The following SYVN1 variants were observed in gnomAD, a reference collection of about 807,000 sequenced individuals.
The protein encoded by SYVN1 is synoviolin 1.
SYVN1 carries 17 observed loss-of-function variants against 62.6 expected under a neutral mutation model. The observed-to-expected ratio is 0.27, with a 90% CI of 0.19 to 0.41. The LOEUF (loss-of-function observed/expected upper bound fraction) is 0.41, where lower values mean the gene tolerates loss of function less well. Among genes scored for constraint, SYVN1 ranks in the 10% least tolerant of loss-of-function variants. The probability of loss-of-function intolerance (pLI) is 1.00; values close to 1 mark genes in which losing one functional copy is unlikely to be tolerated. For missense variants in SYVN1, 634 were observed against 818.0 expected, an observed-to-expected ratio of 0.78 and a Z score of 2.74; for synonymous variants, 316 against 304.0, an observed-to-expected ratio of 1.04 and a Z score of -0.41.
At chr11:65,128,864 T>C (rs1948138447) in intron 14 of SYVN1, 150 bp from the exon 15 acceptor site, 5 of 811,614 alleles carry the variant, frequency 6.2e-6, no homozygotes, top group Non-Finnish European at 9.5e-6. Context: ...ACATGCTGAA[T>C]GAACTCAGAC....
chr11:65,129,856 G>C lies in SYVN1; in HGVS notation c.1468C>G (p.Arg490Gly). The part of the protein sequence containing the change: ...GFAGLTPEEL[R>G]ALEGHERQHL... ...TGCCGCTCATGGCCCTCCAGAGCTC[G>C]TAGCTCCTCTGGGGTCAGCCCAGCA... Residue 490 changes from arginine (R) to glycine (G), a missense_variant, in exon 14 of 16, where the codon CGA becomes GGA. Transcript: ENST00000377190. 1.2e-6 allele frequency: 2 copies of C among 1,614,118 alleles called. No individual in the cohort carries two copies. The highest frequency in any genetic ancestry group is 8.5e-7 in the Non-Finnish European group (1 of 1,180,030).
Position 65,130,301 on chromosome 11 carries a change from G to T in SYVN1, c.1184C>A (p.Pro395Gln). 1 of 1,593,044 alleles carries T rather than the reference G, an allele frequency of 6.3e-7. No homozygotes were observed. Among genetic ancestry groups the T allele is most frequent in the East Asian group, 2.3e-5 (1 of 44,322 alleles). The change falls in exon 12 of 16, where the codon CCG (proline) becomes CAG (glutamine). Residue 395 changes from proline (P) to glutamine (Q), a missense_variant. Coordinates refer to ENST00000377190, the MANE Select transcript of SYVN1 (RefSeq NM_172230.3). The stretch of plus-strand genomic sequence containing the variant: ...AGCCTCTCCTGAGCTGGGGGGAGGC[G>T]GGACAGGTGGAAAGGGGCCCATGGG... ...WPPMGPFPPV[P>Q]PPPSSGEAVA... is the part of the protein sequence containing the mutation.
chr11:65,130,847 G>A, intron 10 of SYVN1, 24 bp from the exon 11 acceptor site: 1 of 1,597,576 alleles, frequency 6.3e-7, no homozygotes, highest in Non-Finnish European at 8.5e-7. Context: ...CCAGGCAGAG[G>A]TCAGCAGGTC....
chr11:65,133,274 G>A (rs766957275), intron 2 of SYVN1, 22 bp from the exon 3 acceptor site: 11 of 1,612,538 alleles, frequency 6.8e-6, no homozygotes, highest in Non-Finnish European at 5.1e-6. Context: ...GAGAGGCTGT[G>A]GTTTGAGGTC....
At chr11:65,133,778 T>C (rs948624523) in intron 1 of SYVN1, among the ~76,000 whole-genome samples, 160 bp from the exon 2 acceptor site, 1 of 152,238 alleles carries the variant, frequency 6.6e-6, no homozygotes, top group Non-Finnish European at 1.5e-5. Flanking sequence ...ATTTTACAAA[T>C]TAGACTCGAA....
intron 1 of SYVN1, among the ~76,000 whole-genome samples, 179 bp from the exon 2 acceptor site, chr11:65,133,797 G>A (rs909547269): frequency 6.6e-6 from 1 of 152,262 alleles, no homozygotes; most frequent in African/African-American, 2.4e-5. Flanking sequence ...AAGGGGTTAA[G>A]TGATCACACT....
Position 65,132,326 on chromosome 11 carries a change from C to T in SYVN1, c.453G>A (p.Leu151=). 6.2e-7 allele frequency: 1 copy of T among 1,614,004 alleles called. No individual in the cohort carries two copies. Among genetic ancestry groups the T allele is most frequent in the Non-Finnish European group, 8.5e-7 (1 of 1,179,938 alleles). The change falls in exon 6 of 16, where the codon CTG becomes CTA. Residue 151 remains leucine, a synonymous_variant. Coordinates refer to ENST00000377190, the MANE Select transcript of SYVN1 (RefSeq NM_172230.3). ...IVSLMFLLGI[L]DFLFVSHAYH... ...AGGCGTGGCTGACGAAGAGGAAGTC[C>T]AGGATGCCCAGGAGGAACATAAGAG...
intron 11 of SYVN1, 101 bp from the exon 12 acceptor site, chr11:65,130,480 G>T (rs1010041299): frequency 7.0e-7 from 1 of 1,422,378 alleles, no homozygotes; most frequent in Non-Finnish European, 9.3e-7. Flanking sequence ...ATTCCCACAG[G>T]CCCTCAGCCC....
chr11:65,129,585 A>G (rs1251263187), intron 14 of SYVN1, 144 bp downstream of exon 14: 4 of 693,950 alleles, frequency 5.8e-6, no homozygotes, highest in Non-Finnish European at 9.7e-6. Context: ...GGAGTTACCA[A>G]GAACTCCTGG....
rs768088683 is a variant in SYVN1 at position 65,128,393 on chromosome 11, C to T, written c.1843G>A (p.Val615Ile). The change falls in exon 16 of 16, where the codon GTT becomes ATT. Residue 615 changes from valine (V) to isoleucine (I), a missense_variant. Val to Ile is a conservative substitution (Grantham distance 29, BLOSUM62 3). This residue lies in a region of SYVN1 where 351 missense variants were observed against 373.3 expected (regional missense o/e 0.94). Transcript: ENST00000377190. ...GGGCTGGGGCAGTGTCAGTGGGCAACAGGAGACTCCAGCTTCTGCAGGCGG... is the reference window on the plus strand; with the variant it reads ...GGGCTGGGGCAGTGTCAGTGGGCAATAGGAGACTCCAGCTTCTGCAGGCGG... Reference protein sequence around the residue: ...RRRLQKLESPVAH With the variant: ...RRRLQKLESPIAH 3 of 1,612,948 alleles carry T rather than the reference C, an allele frequency of 1.9e-6. No individual in the cohort carries two copies. Among genetic ancestry groups the T allele is most frequent in the South Asian group, 2.2e-5 (2 of 91,008 alleles).
In SYVN1 at chr11:65,128,241, C is replaced by T. The variant is rs1305576176; in HGVS notation, c.*141G>A. 4.3e-6 allele frequency: 3 copies of T among 705,722 alleles called. No homozygotes were observed. Among genetic ancestry groups the T allele is most frequent in the Non-Finnish European group, 7.2e-6 (3 of 416,980 alleles). The allele number at this position is 705,722 out of a possible 1,614,324, so 43.7% of individuals were successfully genotyped here. A position where few individuals can be genotyped will look rare whatever the true frequency, so the allele number is the denominator to read the frequency against. On this transcript the variant is annotated 3_prime_UTR_variant, in exon 16 of 16. Transcript: ENST00000377190. The stretch of plus-strand genomic sequence containing the variant: ...GGAACCCCAGCCTCTTTCCACTTGG[C>T]CTAGGGGATGCCGCCTCTTTCTCAG...
In SYVN1 at chr11:65,131,381, G is replaced by C. The variant is rs373722273; in HGVS notation, c.659-8C>G. On this transcript the variant is annotated splice_region_variant and splice_polypyrimidine_tract_variant and intron_variant, in intron 7 of 15. Transcript: ENST00000377190. Reference sequence around the variant, plus strand: ...GCAGAACCTTGATGAAGCCTGAGGGGAGGGGATGCAGAAAGCAGCAGGTCA... The same window carrying C: ...GCAGAACCTTGATGAAGCCTGAGGGCAGGGGATGCAGAAAGCAGCAGGTCA... 3.7e-6 allele frequency: 6 copies of C among 1,613,880 alleles called. No individual in the cohort carries two copies. Among genetic ancestry groups the C allele is most frequent in the Admixed American group, 1.7e-5 (1 of 59,996 alleles).
Position 65,131,322 on chromosome 11 carries a change from A to G in SYVN1, c.710T>C (p.Val237Ala). Residue 237 changes from valine to alanine, a missense_variant, in exon 8 of 16, where the codon GTG becomes GCG. Around this residue, in one of 2 missense-constraint regions of SYVN1, gnomAD observed 283 missense variants for 444.7 expected, o/e 0.64. Transcript: ENST00000377190. ...GATGGCAAAGAGTGGGAAGGTGTGCACCTTGATCATGATGGTCATGAAGGC... is the reference window on the plus strand; with the variant it reads ...GATGGCAAAGAGTGGGAAGGTGTGCGCCTTGATCATGATGGTCATGAAGGC... The part of the protein sequence containing the change: ...YMAFMTIMIK[V>A]HTFPLFAIRP... The G allele has an allele frequency of 1.2e-6, 2 of 1,614,048 alleles. No individual in the cohort carries two copies. Among genetic ancestry groups the G allele is most frequent in the Non-Finnish European group, 1.7e-6 (2 of 1,179,984 alleles).
In SYVN1 at chr11:65,130,144, T is replaced by G. The variant is rs765629415; in HGVS notation, c.1266A>C (p.Thr422=). 6.2e-7 allele frequency: 1 copy of G among 1,609,146 alleles called. No individual in the cohort carries two copies. The highest frequency in any genetic ancestry group is 8.5e-7 in the Non-Finnish European group (1 of 1,176,996). ...TAGCACTGGTGCCAGCAGCTGTGGT[T>G]GTAGCTGCTCCACTGGGCCGAGAAA... The part of the protein sequence containing the change: ...AALSRPSGAA[T]TTAAGTSATA... The change falls in exon 13 of 16, where the codon ACA becomes ACC. Residue 422 remains threonine (T), a synonymous_variant. Coordinates refer to ENST00000377190, the MANE Select transcript of SYVN1 (RefSeq NM_172230.3).
At position 65,132,982 on chromosome 11, in the gene SYVN1, G is replaced by A. The variant is rs1948200000; in HGVS notation, c.318C>T (p.Leu106=). Residue 106 remains leucine (L), a synonymous_variant, in exon 4 of 16, where the codon CTC becomes CTT. Transcript: ENST00000377190. ...RDDFSPRFVA[L]FTLLLFLKCF... ...ATTTGAGGAAGAGAAGAAGAGTGAA[G>A]AGTGCAACAAAGCGGGGGCTGAAGT... 6.2e-7 allele frequency: 1 copy of A among 1,614,216 alleles called. No homozygotes were observed. Among genetic ancestry groups the A allele is most frequent in the African/African-American group, 1.3e-5 (1 of 75,048 alleles).
chr11:65,130,839 A>C lies in SYVN1; in HGVS notation c.942-16T>G. On this transcript the variant is annotated splice_polypyrimidine_tract_variant and intron_variant, in intron 10 of 15. Coordinates refer to ENST00000377190, the MANE Select transcript of SYVN1 (RefSeq NM_172230.3). Reference sequence around the variant, plus strand: ...GCGCAGGCAGCTGCGGGTCAAGGCCAGGCAGAGGTCAGCAGGTCCCTAGGG... The same window carrying C: ...GCGCAGGCAGCTGCGGGTCAAGGCCCGGCAGAGGTCAGCAGGTCCCTAGGG... 1.3e-6 allele frequency: 2 copies of C among 1,590,006 alleles called. No individual in the cohort carries two copies. Among genetic ancestry groups the C allele is most frequent in the East Asian group, 2.2e-5 (1 of 44,728 alleles).
At chr11:65,133,806 C>T (rs1249883974) in intron 1 of SYVN1, among the ~76,000 whole-genome samples, 188 bp from the exon 2 acceptor site, 1 of 152,254 alleles carries the variant, frequency 6.6e-6, no homozygotes, top group Non-Finnish European at 1.5e-5. Flanking sequence ...AGTGATCACA[C>T]TGACGCAAGG....
Position 65,128,283 on chromosome 11 carries a change from C to T in SYVN1, c.*99G>A. ...CTTTCTCAGAGCTGGGGGTACTACTCCCTGGTGCAGACAGAGAGGGAGCTG... is the reference window on the plus strand; with the variant it reads ...CTTTCTCAGAGCTGGGGGTACTACTTCCTGGTGCAGACAGAGAGGGAGCTG... On this transcript the variant is annotated 3_prime_UTR_variant, in exon 16 of 16. Coordinates refer to ENST00000377190, the MANE Select transcript of SYVN1 (RefSeq NM_172230.3). 1 of 1,000,208 alleles carries T rather than the reference C, an allele frequency of 1.0e-6. No homozygotes were observed. Among genetic ancestry groups the T allele is most frequent in the Non-Finnish European group, 1.5e-6 (1 of 659,538 alleles). The allele number at this position is 1,000,208 out of a possible 1,614,324, so 62.0% of individuals were successfully genotyped here.
intron 2 of SYVN1, 31 bp downstream of exon 2, chr11:65,133,439 G>C (rs376080246): frequency 6.8e-6 from 11 of 1,609,794 alleles, no homozygotes; most frequent in Non-Finnish European, 9.3e-6. Context: ...CCCTCCCAGG[G>C]AGTTCCTCCC....
Sources: gnomAD v4.1 joint callset for allele counts (sites outside exome capture counted in the v4.1 genomes callset) on GRCh38, gnomAD v4.1.1 for gene constraint, gnomAD v4.1.1 regional missense constraint, MANE v1.5 for transcripts, NCBI Gene and HGNC (gene_info 2026-07-23, HGNC 2026-07-21) for gene names.